The following GRIA4 variants were observed in gnomAD, a reference collection of about 807,000 sequenced individuals.
GRIA4 encodes the protein glutamate ionotropic receptor AMPA type subunit 4.
In GRIA4, 34 loss-of-function variants were observed where a neutral mutation model predicts 104.0. That is an observed-to-expected ratio of 0.33 (90% confidence interval 0.25 to 0.44). The LOEUF (loss-of-function observed/expected upper bound fraction) is 0.44. Among genes scored for constraint, GRIA4 ranks in the 20% least tolerant of loss-of-function variants. The pLI is 1.00. For synonymous variants in GRIA4, 386 were observed against 381.9 expected (o/e 1.01, Z -0.13); for missense variants, 750 against 1,096.5 (o/e 0.68, Z 4.46).
At chr11:105,911,054 A>G (rs1565336547) in intron 10 of GRIA4, among the ~76,000 whole-genome samples, 1 of 152,144 alleles carries the variant, frequency 6.6e-6, no homozygotes, top group African/African-American at 2.4e-5. Context: ...TTTAATGAGC[A>G]TGATTTATAT....
intron 3 of GRIA4, among the ~76,000 whole-genome samples, chr11:105,691,776 A>G (rs1157577950): frequency 6.6e-6 from 1 of 151,946 alleles, no homozygotes; most frequent in African/African-American, 2.4e-5. Flanking sequence ...CTCTACTAAA[A>G]ATACAAAAAT....
At chr11:105,684,602 AT>A (rs1952816405) in intron 3 of GRIA4, among the ~76,000 whole-genome samples, 4 of 147,208 alleles carry the variant, frequency 2.7e-5, no homozygotes, top group South Asian at 2.1e-4. Flanking sequence ...ATATAAATAT[AT>A]TTTTATATAT....
In GRIA4 at chr11:105,610,238, G is replaced by T. The variant is rs1225728521; in HGVS notation, c.-281G>T. The T allele has an allele frequency of 6.6e-6, 1 of 152,472 alleles. No individual in the cohort carries two copies. Among genetic ancestry groups the T allele is most frequent in the East Asian group, 1.9e-4 (1 of 5,180 alleles). 9.4% of individuals were successfully genotyped at this position (152,472 alleles called of 1,614,324 possible). ...GGCTTGCAGACCTGGCCCGTGGGCG[G>T]ATTTTCTGCCTAGCGCAGCCGAGAA... On this transcript the variant is annotated 5_prime_UTR_variant, in exon 1 of 17. Transcript: ENST00000282499.
chr11:105,930,665 C>G (rs570340810), intron 13 of GRIA4, among the ~76,000 whole-genome samples: 1 of 152,188 alleles, frequency 6.6e-6, no homozygotes, highest in Admixed American at 6.5e-5. Context: ...AAATACCAAA[C>G]CCTAAAAACA....
chr11:105,732,990 G>T (rs917831677), intron 3 of GRIA4, among the ~76,000 whole-genome samples: 8 of 152,086 alleles, frequency 5.3e-5, no homozygotes, highest in Admixed American at 6.5e-5. Context: ...TGTCCAAATT[G>T]TGTATACCAC....
chr11:105,869,420 A>C (rs1349404516), intron 5 of GRIA4, among the ~76,000 whole-genome samples: 1 of 152,120 alleles, frequency 6.6e-6, no homozygotes, highest in Non-Finnish European at 1.5e-5. Flanking sequence ...GTATAAAATG[A>C]AGTAGTTTTT....
intron 5 of GRIA4, among the ~76,000 whole-genome samples, chr11:105,879,325 G>A (rs1178109316): frequency 1.3e-5 from 2 of 152,164 alleles, no homozygotes; most frequent in Non-Finnish European, 2.9e-5. Context: ...GACCGGAGCT[G>A]TTCCTATTCG....
intron 16 of GRIA4, among the ~76,000 whole-genome samples, chr11:105,978,844 T>C (rs552835328): frequency 6.6e-6 from 1 of 152,330 alleles, no homozygotes; most frequent in Admixed American, 6.5e-5. Context: ...TGCTATGTAA[T>C]GTGATAAGGA....
At chr11:105,639,180 T>C (rs894488100) in intron 3 of GRIA4, among the ~76,000 whole-genome samples, 3 of 152,144 alleles carry the variant, frequency 2.0e-5, no homozygotes, top group African/African-American at 4.8e-5. Flanking sequence ...TCTAATTTAG[T>C]GTTCCTTCTC....
chr11:105,876,209 T>C (rs533562204), intron 5 of GRIA4, among the ~76,000 whole-genome samples: 2 of 152,314 alleles, frequency 1.3e-5, no homozygotes, highest in East Asian at 1.9e-4. Context: ...TCAGTTTCCA[T>C]GCAGTTGTGG....
intron 3 of GRIA4, among the ~76,000 whole-genome samples, chr11:105,644,223 A>G (rs1039660966): frequency 1.2e-4 from 18 of 152,178 alleles, no homozygotes; most frequent in African/African-American, 3.4e-4. Context: ...CTACCATGCT[A>G]TGAGGTCTCA....
intron 4 of GRIA4, among the ~76,000 whole-genome samples, chr11:105,860,355 T>C (rs1260798762): frequency 6.6e-6 from 1 of 152,126 alleles, no homozygotes; most frequent in African/African-American, 2.4e-5. Context: ...CACATACCAA[T>C]TAGAAAACTC....
In GRIA4 at chr11:105,840,229, A is replaced by G. The variant is rs1360714619; in HGVS notation, c.488-21795A>G. Among the ~76,000 whole-genome samples the G allele has an allele frequency of 3.3e-5, 5 of 152,114 alleles. No individual in the cohort carries two copies. In the East Asian group the frequency reaches 9.6e-4, roughly 29 times the overall value. ...TTTTACTCATTTTTTTAGGCCATAC[A>G]TTTTTCTTCCTATAAAGTGAACCAA... On this transcript the variant is annotated intron_variant, in intron 4 of 16. Coordinates refer to ENST00000282499, the MANE Select transcript of GRIA4 (RefSeq NM_000829.4).
intron 13 of GRIA4, among the ~76,000 whole-genome samples, chr11:105,932,603 A>G (rs1947914680): frequency 6.6e-6 from 1 of 152,210 alleles, no homozygotes; most frequent in African/African-American, 2.4e-5. Flanking sequence ...TAATAGATAG[A>G]GCTCAAGTAG....
At chr11:105,831,119 C>T (rs970348195) in intron 4 of GRIA4, among the ~76,000 whole-genome samples, 2 of 152,000 alleles carry the variant, frequency 1.3e-5, no homozygotes, top group African/African-American at 4.8e-5. Flanking sequence ...TGGGTCTATA[C>T]TCATTTGGGT....
chr11:105,875,879 A>T lies in GRIA4; in HGVS notation c.673-11640A>T, dbSNP rs1015699431. ...AAAAAACTAGCTCCTGGATTCATTA[A>T]TTTTTTTAATGGTTTTTTTGTGTCT... On this transcript the variant is annotated intron_variant, in intron 5 of 16. Coordinates refer to ENST00000282499, the MANE Select transcript of GRIA4 (RefSeq NM_000829.4). Among the ~76,000 whole-genome samples the T allele has an allele frequency of 3.3e-5, 5 of 151,750 alleles. No homozygotes were observed. The South Asian group carries it at 8.3e-4, about 25-fold the overall frequency.
chr11:105,668,787 C>A (rs1303626334), intron 3 of GRIA4, among the ~76,000 whole-genome samples: 5 of 147,696 alleles, frequency 3.4e-5, no homozygotes, highest in Admixed American at 2.1e-4. Context: ...CTACTGATTT[C>A]TTTGCTGTGC....
At chr11:105,638,748 TC>T (rs1951278404) in intron 3 of GRIA4, among the ~76,000 whole-genome samples, 1 of 152,118 alleles carries the variant, frequency 6.6e-6, no homozygotes, top group African/African-American at 2.4e-5. Flanking sequence ...TTACCATCAT[TC>T]TTTCACTTTA....
chr11:105,818,775 T>C (rs192342417), intron 4 of GRIA4, among the ~76,000 whole-genome samples: 44 of 152,300 alleles, frequency 2.9e-4, no homozygotes, highest in Non-Finnish European at 5.0e-4. Flanking sequence ...CTTGAGCTAA[T>C]AGCCAGATAT....
Sources: allele counts gnomAD v4.1 joint callset (sites outside exome capture counted in the v4.1 genomes callset), GRCh38; gene constraint gnomAD v4.1.1; transcripts MANE v1.5; gene names NCBI Gene and HGNC (gene_info 2026-07-23, HGNC 2026-07-21).